Variants in LAPTM4B observed in about 807,000 individuals in gnomAD.
LAPTM4B encodes lysosomal protein transmembrane 4 beta.
LAPTM4B carries 26 observed loss-of-function variants against 28.5 expected under a neutral mutation model. The ratio of observed to expected loss-of-function variants is 0.91; its 90% CI spans 0.67 to 1.27. LAPTM4B has a LOEUF of 1.27. Among genes scored for constraint, LAPTM4B ranks in the 50% most tolerant of loss-of-function variants. The pLI, the probability that LAPTM4B is intolerant of heterozygous loss-of-function variation, is 0.00. For missense variants in LAPTM4B, 288 were observed against 285.8 expected (o/e 1.01, Z -0.06); for synonymous variants, 109 against 106.4 (o/e 1.02, Z -0.15).
At chr8:97,809,084 ATT>A (rs1474508082) in intron 2 of LAPTM4B, among the ~76,000 whole-genome samples, 1 of 152,228 alleles carries the variant, frequency 6.6e-6, no homozygotes, top group Non-Finnish European at 1.5e-5. Context: ...AACAATTACT[ATT>A]TTAAAGTCTT....
rs1002060677 is a variant in LAPTM4B, at chr8:97,808,376, G to T, written c.211+2912G>T. Among the ~76,000 whole-genome samples, 22 of 151,956 alleles carry T rather than the reference G, an allele frequency of 1.4e-4. No homozygotes were observed. In the South Asian group the frequency reaches 1.7e-3, roughly 12 times the overall value. The stretch of plus-strand genomic sequence containing the variant: ...GCAGGAGAATTGCTTGAACCTGGGA[G>T]GGGGGAGTTTGCAGTGAGCCGAGAT... On this transcript the variant is annotated intron_variant, in intron 2 of 6. Transcript: ENST00000521545.
intron 5 of LAPTM4B, among the ~76,000 whole-genome samples, chr8:97,820,703 G>A (rs1816989919): frequency 6.6e-6 from 1 of 151,832 alleles, no homozygotes; most frequent in Admixed American, 6.6e-5. Flanking sequence ...CTGTACTTCA[G>A]CCTGGGTGAC....
intron 1 of LAPTM4B, among the ~76,000 whole-genome samples, chr8:97,780,986 T>G (rs969878983): frequency 6.6e-6 from 1 of 151,562 alleles, no homozygotes; most frequent in Admixed American, 6.6e-5. Flanking sequence ...TTGTGATTTA[T>G]GTACTACAAT....
Position 97,775,982 on chromosome 8 carries a change from G to T in LAPTM4B, c.-28G>T. 6.4e-7 allele frequency: 1 copy of T among 1,552,442 alleles called. No homozygotes were observed. The highest frequency in any genetic ancestry group is 8.6e-7 in the Non-Finnish European group (1 of 1,157,326). On this transcript the variant is annotated 5_prime_UTR_variant, in exon 1 of 7. Coordinates refer to ENST00000521545, the MANE Select transcript of LAPTM4B (RefSeq NM_018407.6). ...GGTCGACGCTCCTGAAAACTTGCGC[G>T]CGCGCTCGCGCCACTGCGCCCGGAG...
intron 1 of LAPTM4B, among the ~76,000 whole-genome samples, chr8:97,779,783 G>C (rs1191732032): frequency 6.6e-6 from 1 of 151,720 alleles, no homozygotes; most frequent in Non-Finnish European, 1.5e-5. Flanking sequence ...TTGGGTGTGG[G>C]TGGCTCACGC....
intron 6 of LAPTM4B, among the ~76,000 whole-genome samples, chr8:97,839,489 G>A (rs184060413): frequency 2.3e-4 from 35 of 152,226 alleles, no homozygotes; most frequent in Non-Finnish European, 3.2e-4. Flanking sequence ...CACTGCGCCC[G>A]GCCACCAACA....
chr8:97,776,096 C>A lies in LAPTM4B; in HGVS notation c.87C>A (p.Gly29=), dbSNP rs1338895084. 3 of 1,581,070 alleles carry A rather than the reference C, an allele frequency of 1.9e-6. No individual in the cohort carries two copies. The South Asian group carries it at 3.4e-5, about 18-fold the overall frequency. ...TCCGCACCGGCACCATCCTGCTCGG[C>A]GTCTGGTATCTGGTGAGCGCGGCGC... is the stretch of plus-strand genomic sequence containing the variant. The part of the protein sequence containing the change: ...CHVRTGTILL[G]VWYLIINAVV... The change falls in exon 1 of 7, where the codon GGC becomes GGA. Residue 29 remains glycine (G), a synonymous_variant. Coordinates refer to ENST00000521545, the MANE Select transcript of LAPTM4B (RefSeq NM_018407.6).
intron 1 of LAPTM4B, among the ~76,000 whole-genome samples, chr8:97,791,048 G>A (rs1816488904): frequency 6.6e-6 from 1 of 152,086 alleles, no homozygotes; most frequent in Non-Finnish European, 1.5e-5. Context: ...GGGACCACAG[G>A]CACACACCAC....
intron 6 of LAPTM4B, 130 bp from the exon 7 acceptor site, chr8:97,851,267 T>A (rs1164114511): frequency 1.3e-6 from 1 of 751,326 alleles, no homozygotes; most frequent in Non-Finnish European, 2.4e-6. Context: ...GTGTATCCAC[T>A]TGCTAGAAAA....
At chr8:97,783,182 A>G (rs903287882) in intron 1 of LAPTM4B, among the ~76,000 whole-genome samples, 2 of 150,496 alleles carry the variant, frequency 1.3e-5, no homozygotes, top group Admixed American at 1.3e-4. Flanking sequence ...CAGGGTAGTT[A>G]GCCATATATC....
At chr8:97,776,762 C>T (rs1460979950) in intron 1 of LAPTM4B, among the ~76,000 whole-genome samples, 2 of 152,010 alleles carry the variant, frequency 1.3e-5, no homozygotes, top group Non-Finnish European at 2.9e-5. Context: ...TTCCATCTGC[C>T]CGGGGAAGCC....
intron 1 of LAPTM4B, chr8:97,788,369 C>T (rs1586320509): frequency 1.6e-5 from 5 of 311,892 alleles, no homozygotes; most frequent in East Asian, 9.0e-5. Context: ...TGGCAAGAAG[C>T]GGAGTCAGGC....
In LAPTM4B at chr8:97,781,278, C is replaced by CTTTTTTTTTTTTTTTT. The variant is rs71271147; in HGVS notation, c.99+5176_99+5191dup. Among the ~76,000 whole-genome samples, 12 of 50,840 alleles carry CTTTTTTTTTTTTTTTT rather than the reference C, an allele frequency of 2.4e-4. 3 individuals carry two copies. The highest frequency in any genetic ancestry group is 1.3e-3 in the African/African-American group (12 of 9,048). 33.4% of individuals were successfully genotyped at this position (50,840 alleles called of 152,430 possible). On this transcript the variant is annotated intron_variant, in intron 1 of 6. Coordinates refer to ENST00000521545, the MANE Select transcript of LAPTM4B (RefSeq NM_018407.6). ...ACAGGCGTGAGCCACTGTGCCCGGC[C>CTTTTTTTTTTTTTTTT]TTTTTTTTTTTTTTTTTTTTTGAGG...
At chr8:97,796,057 G>C (rs1816577205) in intron 1 of LAPTM4B, among the ~76,000 whole-genome samples, 1 of 29,474 alleles carries the variant, frequency 3.4e-5, no homozygotes, top group Non-Finnish European at 2.5e-4. Flanking sequence ...CTCTTGCCTT[G>C]GCCCCCCCAG....
At chr8:97,807,314 C>G (rs1472267148) in intron 2 of LAPTM4B, among the ~76,000 whole-genome samples, 1 of 152,106 alleles carries the variant, frequency 6.6e-6, no homozygotes, top group Non-Finnish European at 1.5e-5. Flanking sequence ...CACCTGTAAT[C>G]CCAGCATTTT....
At chr8:97,792,510 C>G (rs1023200478) in intron 1 of LAPTM4B, among the ~76,000 whole-genome samples, 1 of 152,210 alleles carries the variant, frequency 6.6e-6, no homozygotes, top group African/African-American at 2.4e-5. Context: ...CTCCCTTGGC[C>G]TCCCAAAGTG....
intron 6 of LAPTM4B, among the ~76,000 whole-genome samples, chr8:97,846,224 C>T (rs1215249889): frequency 6.6e-6 from 1 of 151,768 alleles, no homozygotes. Context: ...ATTTATACTT[C>T]ATATTTTGGG....
At chr8:97,807,003 T>G (rs1816765365) in intron 2 of LAPTM4B, among the ~76,000 whole-genome samples, 1 of 152,154 alleles carries the variant, frequency 6.6e-6, no homozygotes, top group Non-Finnish European at 1.5e-5. Flanking sequence ...CCTTTCACCC[T>G]TTGCCATGAT....
Position 97,818,499 on chromosome 8 carries a change from A to G in LAPTM4B, c.409-641A>G, listed in dbSNP as rs1388317827. ...CCTCTAACCATAGTAGCAGACTTTG[A>G]TCCTCCTGAAAAGGTTCCCTTTGAC... On this transcript the variant is annotated intron_variant, in intron 4 of 6. Transcript: ENST00000521545. Among the ~76,000 whole-genome samples, 3 of 152,310 alleles carry G rather than the reference A, an allele frequency of 2.0e-5. No individual in the cohort carries two copies. The East Asian group carries it at 5.8e-4, about 29-fold the overall frequency.
Sources: allele counts gnomAD v4.1 joint callset (sites outside exome capture counted in the v4.1 genomes callset), GRCh38; gene constraint gnomAD v4.1.1; transcripts MANE v1.5; gene names NCBI Gene and HGNC (gene_info 2026-07-23, HGNC 2026-07-21).